The following PPP1R12A variants were observed in gnomAD, a reference collection of about 807,000 sequenced individuals.
The protein encoded by PPP1R12A is protein phosphatase 1 regulatory subunit 12A.
In PPP1R12A, 19 loss-of-function variants were observed where a neutral mutation model predicts 139.6. That is an observed-to-expected ratio of 0.14 (90% CI 0.09 to 0.20). PPP1R12A has a LOEUF of 0.20. Among genes scored for constraint, PPP1R12A ranks in the 10% least tolerant of loss-of-function variants. PPP1R12A has a pLI of 1.00. For synonymous variants in PPP1R12A, 427 were observed against 420.6 expected (o/e 1.02, Z -0.19); for missense variants, 925 against 1,211.5 (o/e 0.76, Z 3.51).
intron 1 of PPP1R12A, among the ~76,000 whole-genome samples, chr12:79,876,207 T>A (rs1258513768): frequency 1.3e-5 from 2 of 152,174 alleles, no homozygotes; most frequent in Non-Finnish European, 2.9e-5. Context: ...ATATCCTGAG[T>A]ATCTACTTTA....
intron 14 of PPP1R12A, among the ~76,000 whole-genome samples, chr12:79,804,164 C>T (rs751800177): frequency 1.5e-4 from 23 of 151,964 alleles, no homozygotes; most frequent in Non-Finnish European, 2.8e-4. Context: ...ATCCTTCTTC[C>T]TTTCAATAAC....
At chr12:79,897,627 T>C (rs1404994888) in intron 1 of PPP1R12A, among the ~76,000 whole-genome samples, 1 of 152,156 alleles carries the variant, frequency 6.6e-6, no homozygotes, top group African/African-American at 2.4e-5. Context: ...TGTGATCAAG[T>C]GGAGGATGAT....
At chr12:79,844,471 G>A (rs1420438704) in intron 3 of PPP1R12A, among the ~76,000 whole-genome samples, 1 of 151,766 alleles carries the variant, frequency 6.6e-6, no homozygotes, top group Non-Finnish European at 1.5e-5. Flanking sequence ...AATCCTCTTG[G>A]CCAAACCTTC....
intron 9 of PPP1R12A, among the ~76,000 whole-genome samples, chr12:79,812,391 C>CATGTGTGTGT (rs1555202887): frequency 1.7e-4 from 23 of 134,510 alleles, no homozygotes; most frequent in African/African-American, 1.7e-4. Flanking sequence ...TCTGTGTGTG[C>CATGTGTGTGT]GTGTGTGTGT....
intron 3 of PPP1R12A, among the ~76,000 whole-genome samples, chr12:79,842,339 T>C (rs1324259379): frequency 2.0e-5 from 3 of 152,290 alleles, no homozygotes; most frequent in East Asian, 1.9e-4. Flanking sequence ...CCGCAGTCAT[T>C]AGGAATTTTC....
chr12:79,841,691 T>A (rs1340391365), intron 3 of PPP1R12A, among the ~76,000 whole-genome samples: 3 of 152,210 alleles, frequency 2.0e-5, no homozygotes, highest in African/African-American at 7.2e-5. Context: ...ATGTTTACTT[T>A]AAAGAATTAC....
chr12:79,862,532 G>T (rs1344064595), intron 2 of PPP1R12A, among the ~76,000 whole-genome samples: 1 of 152,154 alleles, frequency 6.6e-6, no homozygotes, highest in Non-Finnish European at 1.5e-5. Context: ...AGCTAAAAGA[G>T]CATGTTCTAA....
intron 23 of PPP1R12A, chr12:79,779,319 AC>A (rs1466366983): frequency 1.6e-6 from 2 of 1,288,976 alleles, no homozygotes; most frequent in South Asian, 2.5e-5. Context: ...GTTAGGTCAT[AC>A]CGCCCAGAAG....
intron 2 of PPP1R12A, among the ~76,000 whole-genome samples, chr12:79,858,664 T>C (rs554599415): frequency 1.6e-4 from 24 of 152,324 alleles, no homozygotes; most frequent in Non-Finnish European, 2.6e-4. Flanking sequence ...CTGAAATTTC[T>C]GTTTTCAAAG....
intron 2 of PPP1R12A, among the ~76,000 whole-genome samples, chr12:79,856,504 T>C (rs769641962): frequency 3.3e-5 from 5 of 152,266 alleles, no homozygotes; most frequent in Non-Finnish European, 7.3e-5. Flanking sequence ...TTGGATGATG[T>C]CTTCATGACT....
chr12:79,836,220 T>G (rs184869693), intron 3 of PPP1R12A, among the ~76,000 whole-genome samples: 37 of 152,316 alleles, frequency 2.4e-4, no homozygotes, highest in African/African-American at 8.7e-4. Context: ...GTTTTACTTG[T>G]ATCAAAAATT....
chr12:79,825,643 T>C (rs1420596968), intron 5 of PPP1R12A: 3 of 151,862 alleles, frequency 2.0e-5, no homozygotes, highest in Non-Finnish European at 4.4e-5. Flanking sequence ...AAATCATGTT[T>C]TCTAGTACTA....
chr12:79,789,420 C>T (rs1206960411), intron 20 of PPP1R12A, among the ~76,000 whole-genome samples: 1 of 152,050 alleles, frequency 6.6e-6, no homozygotes, highest in East Asian at 1.9e-4. Flanking sequence ...ATTGGTAGCA[C>T]CTTTCCTTTT....
intron 3 of PPP1R12A, 142 bp downstream of exon 3, chr12:79,845,160 C>A: frequency 1.6e-6 from 1 of 606,954 alleles, no homozygotes; most frequent in East Asian, 2.9e-5. Flanking sequence ...AAAACAGAAA[C>A]ATACTGTACT....
chr12:79,814,259 C>CCT (rs1874973198), intron 9 of PPP1R12A, among the ~76,000 whole-genome samples: 1 of 150,990 alleles, frequency 6.6e-6, no homozygotes. Context: ...GGGTGGATCA[C>CCT]GAGGTCAGGA....
chr12:79,862,212 A>G (rs1013563293), intron 2 of PPP1R12A, among the ~76,000 whole-genome samples: 1 of 152,188 alleles, frequency 6.6e-6, no homozygotes, highest in African/African-American at 2.4e-5. Flanking sequence ...ACTCCAACAG[A>G]CCTGCATCTG....
chr12:79,925,042 T>G (rs946249967), intron 1 of PPP1R12A, among the ~76,000 whole-genome samples: 12 of 152,254 alleles, frequency 7.9e-5, no homozygotes, highest in Admixed American at 2.0e-4. Context: ...TTTTCAAAAT[T>G]TAAAAACTCT....
intron 2 of PPP1R12A, among the ~76,000 whole-genome samples, chr12:79,853,248 C>T (rs531544891): frequency 6.6e-6 from 1 of 152,278 alleles, no homozygotes; most frequent in South Asian, 2.1e-4. Flanking sequence ...ATTTAAAAGA[C>T]TGGGCTTTTG....
intron 3 of PPP1R12A, among the ~76,000 whole-genome samples, chr12:79,836,053 G>A (rs1012654387): frequency 6.6e-6 from 1 of 152,102 alleles, no homozygotes; most frequent in African/African-American, 2.4e-5. Context: ...TCAAACTAGA[G>A]ATTATAATAT....
Sources: gnomAD v4.1 joint callset for allele counts (sites outside exome capture counted in the v4.1 genomes callset) on GRCh38, gnomAD v4.1.1 for gene constraint, MANE v1.5 for transcripts, NCBI Gene and HGNC (gene_info 2026-07-23, HGNC 2026-07-21) for gene names.